Variants in CSGALNACT2 observed in about 807,000 individuals in gnomAD.
CSGALNACT2 encodes the protein beta 4 GalNAcT-2.
A neutral mutation model predicts 55.3 loss-of-function variants in CSGALNACT2; 35 were observed. The observed-to-expected ratio is 0.63, with a 90% CI of 0.48 to 0.84. The LOEUF (loss-of-function observed/expected upper bound fraction) is 0.84, where lower values mean the gene tolerates loss of function less well. Ranked by LOEUF, CSGALNACT2 falls within the 40% of genes least tolerant of loss-of-function variation. The pLI, the probability that CSGALNACT2 is intolerant of heterozygous loss-of-function variation, is 0.00. For synonymous variants in CSGALNACT2, 196 were observed against 224.9 expected (o/e 0.87, Z 1.15); for missense variants, 544 against 657.5 (o/e 0.83, Z 1.89).
chr10:43,169,878 C>T (rs1839350467), intron 6 of CSGALNACT2, among the ~76,000 whole-genome samples: 1 of 152,168 alleles, frequency 6.6e-6, no homozygotes, highest in African/African-American at 2.4e-5. Context: ...TAAAGCAATA[C>T]TATGAAAATT....
chr10:43,173,419 C>T (rs1352806385), intron 6 of CSGALNACT2, among the ~76,000 whole-genome samples: 2 of 152,198 alleles, frequency 1.3e-5, no homozygotes, highest in African/African-American at 4.8e-5. Flanking sequence ...GCATCTCCCA[C>T]ATGCTTAGGA....
intron 5 of CSGALNACT2, among the ~76,000 whole-genome samples, chr10:43,165,482 T>C (rs1237998318): frequency 6.6e-6 from 1 of 152,138 alleles, no homozygotes; most frequent in Non-Finnish European, 1.5e-5. Context: ...ACCATTTTTA[T>C]TAGTCAATTA....
intron 7 of CSGALNACT2, among the ~76,000 whole-genome samples, chr10:43,178,394 G>A (rs189510265): frequency 9.0e-4 from 137 of 152,188 alleles, no homozygotes; most frequent in African/African-American, 3.0e-3. Flanking sequence ...AGGCCGAGGC[G>A]GGCAGATCAC....
chr10:43,168,016 A>G (rs1368380572), intron 6 of CSGALNACT2, among the ~76,000 whole-genome samples: 1 of 152,202 alleles, frequency 6.6e-6, no homozygotes, highest in Non-Finnish European at 1.5e-5. Flanking sequence ...GTAAAAAGGA[A>G]AACATTGGAA....
intron 6 of CSGALNACT2, among the ~76,000 whole-genome samples, chr10:43,168,289 A>C (rs1839310073): frequency 6.6e-6 from 1 of 152,058 alleles, no homozygotes; most frequent in South Asian, 2.1e-4. Context: ...CGTCTGTATT[A>C]AAAATAAAAA....
intron 4 of CSGALNACT2, chr10:43,162,970 C>T: frequency 1.0e-6 from 1 of 985,224 alleles, no homozygotes; most frequent in Non-Finnish European, 1.2e-6. Context: ...TCACTCTGAC[C>T]CTTCTCTCAT....
At chr10:43,178,632 A>G (rs1366383985) in intron 7 of CSGALNACT2, among the ~76,000 whole-genome samples, 1 of 151,934 alleles carries the variant, frequency 6.6e-6, no homozygotes, top group Non-Finnish European at 1.5e-5. Context: ...AAAAAAAAAA[A>G]AAAACCCTAA....
chr10:43,152,024 A>G (rs1197123674), intron 1 of CSGALNACT2, among the ~76,000 whole-genome samples: 1 of 152,198 alleles, frequency 6.6e-6, no homozygotes, highest in East Asian at 1.9e-4. Context: ...TTTTTTAAGC[A>G]GTTTTAGAGA....
intron 2 of CSGALNACT2, 78 bp from the exon 3 acceptor site, chr10:43,158,637 A>C: frequency 1.2e-6 from 1 of 832,382 alleles, no homozygotes; most frequent in East Asian, 2.4e-5. Flanking sequence ...TTTATGTTTA[A>C]GTGAGTAAAA....
chr10:43,165,997 G>T (rs1240935580), intron 5 of CSGALNACT2, among the ~76,000 whole-genome samples: 5 of 152,168 alleles, frequency 3.3e-5, no homozygotes, highest in African/African-American at 1.2e-4. Flanking sequence ...ATGTTTTAAA[G>T]AATCTAATAG....
At chr10:43,175,060 T>C (rs374214996) in intron 6 of CSGALNACT2, among the ~76,000 whole-genome samples, 5 of 152,224 alleles carry the variant, frequency 3.3e-5, no homozygotes, top group Non-Finnish European at 7.3e-5. Context: ...AGAAAAGGAC[T>C]TTGGCAGTTC....
intron 4 of CSGALNACT2, chr10:43,163,241 GTTCA>G: frequency 4.1e-6 from 4 of 979,954 alleles, no homozygotes; most frequent in Non-Finnish European, 4.8e-6. Context: ...CAGAACTGCT[GTTCA>G]TTCATTCATT....
intron 7 of CSGALNACT2, among the ~76,000 whole-genome samples, chr10:43,179,264 T>C (rs1490355588): frequency 6.6e-6 from 1 of 151,736 alleles, no homozygotes; most frequent in Non-Finnish European, 1.5e-5. Context: ...TTTTTTTTTT[T>C]TAAGCGTATG....
chr10:43,141,729 G>A (rs1454247323), intron 1 of CSGALNACT2, among the ~76,000 whole-genome samples: 2 of 151,562 alleles, frequency 1.3e-5, no homozygotes, highest in Non-Finnish European at 1.5e-5. Context: ...GTTCCAGGAG[G>A]CATTAGAAAT....
intron 6 of CSGALNACT2, among the ~76,000 whole-genome samples, chr10:43,175,689 A>C (rs868296424): frequency 6.6e-6 from 1 of 152,188 alleles, no homozygotes; most frequent in African/African-American, 2.4e-5. Context: ...TGTTTATGCA[A>C]CTGTTGTCCT....
intron 7 of CSGALNACT2, among the ~76,000 whole-genome samples, chr10:43,181,278 GC>G (rs1162362945): frequency 6.6e-6 from 1 of 152,188 alleles, no homozygotes; most frequent in Non-Finnish European, 1.5e-5. Flanking sequence ...CTTTGTATCT[GC>G]CTATCTGTCT....
At chr10:43,183,192 T>C in intron 7 of CSGALNACT2, 58 bp from the exon 8 acceptor site, 1 of 1,295,640 alleles carries the variant, frequency 7.7e-7, no homozygotes, top group Admixed American at 1.7e-5. Context: ...TTTATATATA[T>C]CCCTGTGCTC....
At chr10:43,142,504 A>G (rs1838651345) in intron 1 of CSGALNACT2, among the ~76,000 whole-genome samples, 2 of 152,306 alleles carry the variant, frequency 1.3e-5, no homozygotes, top group African/African-American at 4.8e-5. Context: ...GCCCAGCCCT[A>G]TACTTTCTAA....
At chr10:43,144,745 A>G (rs945040392) in intron 1 of CSGALNACT2, among the ~76,000 whole-genome samples, 2 of 152,188 alleles carry the variant, frequency 1.3e-5, no homozygotes, top group African/African-American at 2.4e-5. Flanking sequence ...ACTGCAACCA[A>G]AGTAATGAGC....
Sources: allele counts gnomAD v4.1 joint callset (sites outside exome capture counted in the v4.1 genomes callset), GRCh38; gene constraint gnomAD v4.1.1; transcripts MANE v1.5; gene names NCBI Gene and HGNC (gene_info 2026-07-23, HGNC 2026-07-21).